Variants in APPL1 observed in about 807,000 individuals in gnomAD.
APPL1 encodes the protein adaptor protein, phosphotyrosine interacting with PH domain and leucine zipper 1, also known as DCC-interacting protein 13-alpha.
A neutral mutation model predicts 106.8 loss-of-function variants in APPL1; 42 were observed. The ratio of observed to expected loss-of-function variants is 0.39; its 90% confidence interval spans 0.31 to 0.51. The LOEUF (loss-of-function observed/expected upper bound fraction) is 0.51, where lower values mean the gene tolerates loss of function less well. Ranked by LOEUF, APPL1 falls within the 20% of genes least tolerant of loss-of-function variation. APPL1 has a pLI of 0.75. For missense variants in APPL1, 769 were observed against 858.2 expected (o/e 0.90, Z 1.30); for synonymous variants, 263 against 281.8 (o/e 0.93, Z 0.67).
rs767576259 is a variant in APPL1 at position 57,257,299 on chromosome 3, A to G, written c.1301A>G (p.Glu434Gly). Residue 434 changes from glutamate to glycine, a missense_variant, in exon 15 of 22, where the codon GAG (glutamate) becomes GGG (glycine). Glu to Gly is a moderately conservative substitution (Grantham distance 98, BLOSUM62 -2). Coordinates refer to ENST00000288266, the MANE Select transcript of APPL1 (RefSeq NM_012096.3). ...AGCAGTTCAGGATCCTTAGGATCTG[A>G]GTCTACAAATTTGGCTGCCCTCTCT... is the stretch of plus-strand genomic sequence containing the variant. ...RTSSSGSLGSESTNLAALSLD... is the reference protein window; with the variant it reads ...RTSSSGSLGSGSTNLAALSLD... 6.2e-7 allele frequency: 1 copy of G among 1,614,066 alleles called. No homozygotes were observed. Among genetic ancestry groups the G allele is most frequent in the East Asian group, 2.2e-5 (1 of 44,882 alleles).
In APPL1 at chr3:57,272,147, AAAGAT is replaced by A. The variant is rs1201550847; in HGVS notation, c.*2462_*2466del. On this transcript the variant is annotated 3_prime_UTR_variant, in exon 22 of 22. Coordinates refer to ENST00000288266, the MANE Select transcript of APPL1 (RefSeq NM_012096.3). Reference sequence around the variant, plus strand: ...TCAACAAAACTCCTTTTTAAAAAGAAAAGATATTAAGCCTGCCTACTTCTACAATG... The same window carrying A: ...TCAACAAAACTCCTTTTTAAAAAGAAATTAAGCCTGCCTACTTCTACAATG... 2 of 152,226 alleles carry A rather than the reference AAAGAT, an allele frequency of 1.3e-5. No homozygotes were observed. The highest frequency in any genetic ancestry group is 2.9e-5 in the Non-Finnish European group (2 of 68,044). 9.4% of individuals were successfully genotyped at this position (152,226 alleles called of 1,614,324 possible). A position where few individuals can be genotyped will look rare whatever the true frequency, so the allele number is the denominator to read the frequency against.
rs1309933791 is a variant in APPL1 at position 57,227,816 on chromosome 3, C to T, written c.-68C>T. ...GAGGGCGGGCCGGGGTCAGCTGCGGCGGGCGGGCCGGCGCGGGGAGCTGTG... is the reference window on the plus strand; with the variant it reads ...GAGGGCGGGCCGGGGTCAGCTGCGGTGGGCGGGCCGGCGCGGGGAGCTGTG... On this transcript the variant is annotated 5_prime_UTR_variant, in exon 1 of 22. Coordinates refer to ENST00000288266, the MANE Select transcript of APPL1 (RefSeq NM_012096.3). 9 of 1,335,190 alleles carry T rather than the reference C, an allele frequency of 6.7e-6. No individual in the cohort carries two copies. The highest frequency in any genetic ancestry group is 6.0e-5 in the South Asian group (4 of 66,116). 82.7% of individuals were successfully genotyped at this position (1,335,190 alleles called of 1,614,324 possible).
At chr3:57,266,021 A>G (rs1042508709) in intron 19 of APPL1, among the ~76,000 whole-genome samples, 1 of 152,248 alleles carries the variant, frequency 6.6e-6, no homozygotes, top group African/African-American at 2.4e-5. Flanking sequence ...ATGTTGAACT[A>G]TCTTTGCATT....
chr3:57,253,861 G>GT, intron 13 of APPL1, 123 bp downstream of exon 13: 1 of 555,826 alleles, frequency 1.8e-6, no homozygotes, highest in Non-Finnish European at 2.6e-6. Flanking sequence ...TGAATGAGTA[G>GT]CTTTTTTTTT....
intron 19 of APPL1, 79 bp downstream of exon 19, chr3:57,260,853 T>G: frequency 7.7e-7 from 1 of 1,305,392 alleles, no homozygotes; most frequent in Non-Finnish European, 1.0e-6. Flanking sequence ...AATTAAATTC[T>G]TACAAATTAA....
chr3:57,259,918 T>C lies in APPL1; in HGVS notation c.1557T>C (p.Asp519=), dbSNP rs2060856485. Residue 519 remains aspartate, a synonymous_variant, in exon 17 of 22, where the codon GAT becomes GAC. Coordinates refer to ENST00000288266, the MANE Select transcript of APPL1 (RefSeq NM_012096.3). Reference sequence around the variant, plus strand: ...AGGTGAAATCAGATGACCATCCAGATGTTGTTTATGAAACTATGCGCCAAA... The same window carrying C: ...AGGTGAAATCAGATGACCATCCAGACGTTGTTTATGAAACTATGCGCCAAA... ...SMEVKSDDHP[D]VVYETMRQIL... is the part of the protein sequence containing the mutation. 2.5e-6 allele frequency: 4 copies of C among 1,613,692 alleles called. No individual in the cohort carries two copies. The highest frequency in any genetic ancestry group is 3.4e-6 in the Non-Finnish European group (4 of 1,179,958).
At chr3:57,265,675 A>C (rs1215854416) in intron 19 of APPL1, among the ~76,000 whole-genome samples, 2 of 151,932 alleles carry the variant, frequency 1.3e-5, no homozygotes, top group African/African-American at 2.4e-5. Context: ...TTCTAAATAT[A>C]AGATCATCAT....
intron 19 of APPL1, among the ~76,000 whole-genome samples, chr3:57,262,600 G>A (rs2060872689): frequency 6.6e-6 from 1 of 151,076 alleles, no homozygotes; most frequent in Non-Finnish European, 1.5e-5. Flanking sequence ...TGGCCAGGCT[G>A]GTCTTGAACT....
Position 57,260,136 on chromosome 3 carries a change from C to G in APPL1, c.1678C>G (p.Gln560Glu). The G allele has an allele frequency of 6.2e-7, 1 of 1,606,332 alleles. No homozygotes were observed. Among genetic ancestry groups the G allele is most frequent in the East Asian group, 2.2e-5 (1 of 44,816 alleles). Residue 560 changes from glutamine (Q) to glutamate (E), a missense_variant, in exon 18 of 22, where the codon CAA becomes GAA. Physicochemically the swap from Gln to Glu is conservative, Grantham distance 29 (BLOSUM62 2). Coordinates refer to ENST00000288266, the MANE Select transcript of APPL1 (RefSeq NM_012096.3). ...DCLKLIDPQTQVTRLTFPLPC... is the reference protein window; with the variant it reads ...DCLKLIDPQTEVTRLTFPLPC... The stretch of plus-strand genomic sequence containing the variant: ...TTTTAGGTTAATTGATCCACAGACA[C>G]AAGTTACAAGGCTCACGGTGAGTTC...
At chr3:57,242,781 T>C in intron 6 of APPL1, 75 bp from the exon 7 acceptor site, 2 of 1,106,420 alleles carry the variant, frequency 1.8e-6, no homozygotes, top group Non-Finnish European at 2.8e-6. Context: ...AAGGTGCACA[T>C]GTGAAGACCA....
chr3:57,267,166 C>G (rs1280312148), intron 19 of APPL1, among the ~76,000 whole-genome samples: 2 of 152,258 alleles, frequency 1.3e-5, no homozygotes, highest in Non-Finnish European at 2.9e-5. Flanking sequence ...TGTCTTCAGT[C>G]TCTTTCATCA....
At position 57,267,761 on chromosome 3, in the gene APPL1, T is replaced by C; in HGVS notation, c.1862T>C (p.Leu621Pro). ...TTTTAGATATGTGATTCTGTTGGAC[T>C]GGCAAAACAGATAGCTTTGCATGCT... is the stretch of plus-strand genomic sequence containing the variant. ...EGEKICDSVG[L>P]AKQIALHAEL... The change falls in exon 20 of 22, where the codon CTG becomes CCG. Residue 621 changes from leucine (L) to proline (P), a missense_variant. By Grantham distance (98) the Leu-to-Pro change is moderately conservative. Coordinates refer to ENST00000288266, the MANE Select transcript of APPL1 (RefSeq NM_012096.3). 2 of 1,613,960 alleles carry C rather than the reference T, an allele frequency of 1.2e-6. No homozygotes were observed. Among genetic ancestry groups the C allele is most frequent in the Non-Finnish European group, 1.7e-6 (2 of 1,179,996 alleles).
At chr3:57,249,267 C>T in intron 10 of APPL1, 93 bp from the exon 11 acceptor site, 1 of 1,330,072 alleles carries the variant, frequency 7.5e-7, no homozygotes, top group Non-Finnish European at 1.1e-6. Flanking sequence ...CTTCGCAAGC[C>T]AGTTCATTGT....
intron 19 of APPL1, among the ~76,000 whole-genome samples, chr3:57,264,136 G>T (rs1033418224): frequency 1.3e-5 from 2 of 152,148 alleles, no homozygotes; most frequent in African/African-American, 4.8e-5. Flanking sequence ...GATGATCAGT[G>T]ATGTTGAGGA....
At chr3:57,230,495 G>A (rs968063326) in intron 1 of APPL1, among the ~76,000 whole-genome samples, 1 of 151,522 alleles carries the variant, frequency 6.6e-6, no homozygotes, top group African/African-American at 2.4e-5. Context: ...TGTGCATAAT[G>A]ATCTTTATCC....
At position 57,237,495 on chromosome 3, in the gene APPL1, G is replaced by T; in HGVS notation, c.157G>T (p.Glu53Ter). ...AMHRIYDAQN[E>*]LSAATHLTSK... ...AATTTGAATGCTTTTTCCATAGAAT[G>T]AATTAAGTGCAGCAACACACCTGAC... Residue 53 changes from glutamate to a stop codon, truncating the protein, a stop_gained, in exon 3 of 22, where the codon GAA (glutamate) becomes TAA (stop). Transcript: ENST00000288266. LOFTEE classifies it high-confidence loss of function. 1 of 1,598,980 alleles carries T rather than the reference G, an allele frequency of 6.3e-7. No homozygotes were observed. Among genetic ancestry groups the T allele is most frequent in the South Asian group, 1.2e-5 (1 of 86,572 alleles).
Position 57,249,547 on chromosome 3 carries a change from A to C in APPL1, c.1051A>C (p.Lys351Gln), listed in dbSNP as rs2060792411. 3 of 1,558,556 alleles carry C rather than the reference A, an allele frequency of 1.9e-6. No individual in the cohort carries two copies. The highest frequency in any genetic ancestry group is 1.7e-4 in the Middle Eastern group (1 of 5,784). Residue 351 changes from lysine (K) to glutamine (Q), a missense_variant and splice_region_variant, in exon 11 of 22, where the codon AAA (lysine) becomes CAA (glutamine). Transcript: ENST00000288266. ...TCAGATCACCTCTTTCGATGGAAAA[A>C]AGTTAGTATTTTTTTTCTACTACTA... ...CFQITSFDGK[K>Q]SSILQAESKK...
intron 13 of APPL1, among the ~76,000 whole-genome samples, chr3:57,254,230 A>G (rs2060822699): frequency 6.6e-6 from 1 of 152,214 alleles, no homozygotes; most frequent in South Asian, 2.1e-4. Flanking sequence ...ATTATTTCAA[A>G]AGATACTCAG....
chr3:57,245,281 G>A (rs2060766797), intron 7 of APPL1, among the ~76,000 whole-genome samples: 1 of 152,152 alleles, frequency 6.6e-6, no homozygotes, highest in Non-Finnish European at 1.5e-5. Context: ...ATAAATATTT[G>A]TTGTCTGAAT....
Sources: gnomAD v4.1 joint callset for allele counts (sites outside exome capture counted in the v4.1 genomes callset) on GRCh38, gnomAD v4.1.1 for gene constraint, MANE v1.5 for transcripts, NCBI Gene and HGNC (gene_info 2026-07-23, HGNC 2026-07-21) for gene names.